PRKAG2: variants seen among roughly 807,000 people sequenced by gnomAD.
The protein encoded by PRKAG2 is 5'-AMP-activated protein kinase subunit gamma-2.
A neutral mutation model predicts 69.6 loss-of-function variants in PRKAG2; 26 were observed. The ratio of observed to expected loss-of-function variants is 0.37; its 90% confidence interval spans 0.27 to 0.52. PRKAG2 has a LOEUF of 0.52. PRKAG2 is among the 20% of genes least tolerant of loss of function. PRKAG2 has a pLI of 0.90. For synonymous variants in PRKAG2, 293 were observed against 285.0 expected (o/e 1.03, Z -0.28); for missense variants, 557 against 740.0 (o/e 0.75, Z 2.87).
chr7:151,859,052 T>C (rs1310509674), intron 1 of PRKAG2, among the ~76,000 whole-genome samples: 3 of 152,070 alleles, frequency 2.0e-5, no homozygotes, highest in Non-Finnish European at 2.9e-5. Flanking sequence ...GCTCAGAAAA[T>C]CCAGTGTCTC....
chr7:151,582,502 G>A (rs1810720586), intron 6 of PRKAG2, among the ~76,000 whole-genome samples: 1 of 152,146 alleles, frequency 6.6e-6, no homozygotes, highest in Non-Finnish European at 1.5e-5. Flanking sequence ...GCAGTTCAAT[G>A]GCAAAGAGAA....
Position 151,848,777 on chromosome 7 carries a change from G to A in PRKAG2, c.114+27730C>T, listed in dbSNP as rs202007412. On this transcript the variant is annotated intron_variant, in intron 1 of 15. Transcript: ENST00000287878. Reference sequence around the variant, plus strand: ...TGACCTCAGGTGATCTTCCTGCCTCGGCCTCCCAAAGTGCTGGGATCACAG... The same window carrying A: ...TGACCTCAGGTGATCTTCCTGCCTCAGCCTCCCAAAGTGCTGGGATCACAG... Among the ~76,000 whole-genome samples the A allele has an allele frequency of 4.8e-4, 73 of 152,010 alleles. No homozygotes were observed. In the East Asian group the frequency reaches 8.9e-3, roughly 19 times the overall value.
chr7:151,617,201 C>A (rs1490333730), intron 5 of PRKAG2, among the ~76,000 whole-genome samples: 2 of 148,970 alleles, frequency 1.3e-5, no homozygotes, highest in Non-Finnish European at 3.0e-5. Context: ...GCGGAGGTTG[C>A]AGTGAGCCAA....
chr7:151,654,090 C>T (rs567838315), intron 4 of PRKAG2, among the ~76,000 whole-genome samples: 112 of 151,198 alleles, frequency 7.4e-4, no homozygotes, highest in African/African-American at 2.3e-3. Flanking sequence ...TTTATAGATG[C>T]TGGGGTTTTC....
At chr7:151,791,024 A>G (rs963569651) in intron 1 of PRKAG2, among the ~76,000 whole-genome samples, 1 of 152,182 alleles carries the variant, frequency 6.6e-6, no homozygotes, top group African/African-American at 2.4e-5. Context: ...GAAAGCATCA[A>G]GTCAAGCCCA....
chr7:151,796,259 G>A (rs775695706), intron 1 of PRKAG2, among the ~76,000 whole-genome samples: 12 of 152,002 alleles, frequency 7.9e-5, no homozygotes, highest in Non-Finnish European at 1.2e-4. Flanking sequence ...TGGGCTCTCC[G>A]CCCACACTGT....
intron 3 of PRKAG2, among the ~76,000 whole-genome samples, chr7:151,746,324 G>C (rs1255682595): frequency 6.6e-6 from 1 of 152,180 alleles, no homozygotes; most frequent in African/African-American, 2.4e-5. Flanking sequence ...GTTTGCCTCA[G>C]ATCTCTTTCT....
chr7:151,746,667 G>C (rs2074300741), intron 3 of PRKAG2, among the ~76,000 whole-genome samples: 1 of 152,240 alleles, frequency 6.6e-6, no homozygotes, highest in African/African-American at 2.4e-5. Flanking sequence ...GCTGCGGAAA[G>C]CCTGGGTGAG....
intron 4 of PRKAG2, among the ~76,000 whole-genome samples, chr7:151,669,286 C>A (rs919425054): frequency 6.6e-6 from 1 of 152,222 alleles, no homozygotes; most frequent in Non-Finnish European, 1.5e-5. Context: ...ACTTCTTTAT[C>A]CCTTAATCAT....
At chr7:151,709,480 T>G (rs1839189442) in intron 3 of PRKAG2, among the ~76,000 whole-genome samples, 1 of 152,012 alleles carries the variant, frequency 6.6e-6, no homozygotes, top group African/African-American at 2.4e-5. Flanking sequence ...TGATGTGACA[T>G]TCTGTGACAT....
At chr7:151,566,652 C>G (rs1350185958) in intron 11 of PRKAG2, 1 of 425,052 alleles carries the variant, frequency 2.4e-6, no homozygotes, top group East Asian at 7.1e-5. Context: ...TTAGAAGAAA[C>G]AAAATGTTCA....
intron 15 of PRKAG2, chr7:151,558,046 C>T (rs925208832): frequency 9.9e-4 from 976 of 985,136 alleles, no homozygotes; most frequent in Non-Finnish European, 1.1e-3. Flanking sequence ...ACGCTAGACC[C>T]CTGAAAGAGA....
At chr7:151,673,225 G>A (rs770345186) in intron 4 of PRKAG2, among the ~76,000 whole-genome samples, 28 of 152,222 alleles carry the variant, frequency 1.8e-4, no homozygotes, top group South Asian at 4.2e-4. Flanking sequence ...CAAATAAATC[G>A]TGGTTTTCTC....
At chr7:151,775,768 C>T (rs560733671) in intron 3 of PRKAG2, among the ~76,000 whole-genome samples, 13 of 152,232 alleles carry the variant, frequency 8.5e-5, no homozygotes, top group South Asian at 6.2e-4. Flanking sequence ...GTGTAATGAA[C>T]GAAGTCTTCA....
intron 3 of PRKAG2, among the ~76,000 whole-genome samples, chr7:151,773,035 G>T (rs913856579): frequency 3.0e-5 from 1 of 33,056 alleles, no homozygotes; most frequent in African/African-American, 1.2e-4. Flanking sequence ...GAGAGAGAGA[G>T]AGAGAGAGAG....
At chr7:151,740,468 C>T (rs879506392) in intron 3 of PRKAG2, among the ~76,000 whole-genome samples, 4 of 152,208 alleles carry the variant, frequency 2.6e-5, no homozygotes, top group African/African-American at 9.7e-5. Context: ...GCAGCCTGCC[C>T]ACACCTTTGA....
intron 3 of PRKAG2, among the ~76,000 whole-genome samples, chr7:151,703,845 AACACAC>A (rs535818189): frequency 0.078 from 6,881 of 88,296 alleles, 261 homozygotes; most frequent in Middle Eastern, 0.1. Flanking sequence ...TTTACTGGAA[AACACAC>A]ACACACACAC....
intron 1 of PRKAG2, among the ~76,000 whole-genome samples, chr7:151,867,003 C>T (rs922626279): frequency 2.0e-5 from 3 of 152,174 alleles, no homozygotes; most frequent in South Asian, 4.1e-4. Context: ...TGTCACGTTA[C>T]GTTGGTTTTC....
intron 14 of PRKAG2, among the ~76,000 whole-genome samples, chr7:151,563,011 C>T (rs11982878): frequency 0.36 from 54,436 of 151,272 alleles, 10,947 homozygotes; most frequent in African/African-American, 0.54. Context: ...ACTCTGAAGG[C>T]TAAGGGAAAC....
Sources: gnomAD v4.1 joint callset for allele counts (sites outside exome capture counted in the v4.1 genomes callset) on GRCh38, gnomAD v4.1.1 for gene constraint, MANE v1.5 for transcripts, NCBI Gene and HGNC (gene_info 2026-07-23, HGNC 2026-07-21) for gene names.